Variants in MAEA observed in about 807,000 individuals in gnomAD.
MAEA encodes E3 ubiquitin-protein transferase MAEA.
MAEA carries 22 observed loss-of-function variants against 46.2 expected under a neutral mutation model. That is an observed-to-expected ratio of 0.48 (90% CI 0.34 to 0.68). MAEA has a LOEUF of 0.68. MAEA is among the 30% of genes least tolerant of loss of function. MAEA has a pLI of 0.01. For missense variants in MAEA, 393 were observed against 558.1 expected (o/e 0.70, Z 2.98); for synonymous variants, 246 against 222.6 (o/e 1.11, Z -0.94).
At position 1,338,565 on chromosome 4, in the gene MAEA, A is replaced by G; in HGVS notation, c.1043A>G (p.Asn348Ser). Reference protein sequence around the residue: ...LVCKISGDVMNENNPPMMLPN... With the variant: ...LVCKISGDVMSENNPPMMLPN... ...TGCAAGATTTCTGGCGACGTGATGAACGAGAACAATCCGCCCATGATGCTG... is the reference window on the plus strand; with the variant it reads ...TGCAAGATTTCTGGCGACGTGATGAGCGAGAACAATCCGCCCATGATGCTG... The change falls in exon 8 of 9, where the codon AAC (asparagine) becomes AGC (serine). Residue 348 changes from asparagine to serine, a missense_variant. Asn to Ser is a conservative substitution (Grantham distance 46). Coordinates refer to ENST00000303400, the MANE Select transcript of MAEA (RefSeq NM_001017405.3). The G allele has an allele frequency of 6.2e-7, 1 of 1,613,200 alleles. No individual in the cohort carries two copies. The highest frequency in any genetic ancestry group is 8.5e-7 in the Non-Finnish European group (1 of 1,179,964).
chr4:1,310,946 T>A (rs1286883456), intron 1 of MAEA, among the ~76,000 whole-genome samples: 3 of 152,224 alleles, frequency 2.0e-5, no homozygotes, highest in African/African-American at 7.2e-5. Flanking sequence ...CTGAGCTGCG[T>A]CCAGGTCTCC....
chr4:1,320,771 G>T (rs1280154507), intron 3 of MAEA, among the ~76,000 whole-genome samples: 1 of 152,102 alleles, frequency 6.6e-6, no homozygotes. Flanking sequence ...GCAAGAAAAC[G>T]CTATGAAGGG....
At chr4:1,338,160 A>G in intron 7 of MAEA, 1 of 436,692 alleles carries the variant, frequency 2.3e-6, no homozygotes, top group East Asian at 3.7e-5. Context: ...GCGGCGGGCG[A>G]CGGAGCCACT....
intron 3 of MAEA, 104 bp from the exon 4 acceptor site, chr4:1,322,277 G>C: frequency 2.7e-6 from 4 of 1,493,348 alleles, no homozygotes; most frequent in Non-Finnish European, 3.7e-6. Context: ...CATCTCGAGT[G>C]GTGGCCGGTG....
In MAEA at chr4:1,339,136, CTTCTCACAA is replaced by C; in HGVS notation, c.1159_1167del (p.Phe387_Gln389del). 1 of 1,613,974 alleles carries C rather than the reference CTTCTCACAA, an allele frequency of 6.2e-7. No individual in the cohort carries two copies. Among genetic ancestry groups the C allele is most frequent in the Non-Finnish European group, 8.5e-7 (1 of 1,179,992 alleles). ...GCCCGAGAACCAAAGAAGTCTTCCA[CTTCTCACAA>C]GCCGAGAAGGTGTACATCATGTAGG... On this transcript the variant is annotated inframe_deletion, in exon 9 of 9. Transcript: ENST00000303400.
Position 1,305,726 on chromosome 4 carries a change from C to T in MAEA, c.70-6253C>T, listed in dbSNP as rs570599063. 3.3e-5 allele frequency among the ~76,000 whole-genome samples: 5 copies of T among 152,096 alleles called. No homozygotes were observed. In the East Asian group the frequency reaches 5.8e-4, roughly 18 times the overall value. Reference sequence around the variant, plus strand: ...CCAGTGGCACCCACATGTGTGTGTGCGCACGCGTGTGTGGGAGTGTGCGTG... The same window carrying T: ...CCAGTGGCACCCACATGTGTGTGTGTGCACGCGTGTGTGGGAGTGTGCGTG... On this transcript the variant is annotated intron_variant, in intron 1 of 8. Coordinates refer to ENST00000303400, the MANE Select transcript of MAEA (RefSeq NM_001017405.3).
chr4:1,321,709 G>T (rs548168789), intron 3 of MAEA, among the ~76,000 whole-genome samples: 2 of 152,178 alleles, frequency 1.3e-5, no homozygotes, highest in South Asian at 4.1e-4. Flanking sequence ...CCACCTGAGC[G>T]CTTGCCCCAA....
At chr4:1,293,162 G>GCCCTTGC (rs1475561085) in intron 1 of MAEA, among the ~76,000 whole-genome samples, 1 of 151,768 alleles carries the variant, frequency 6.6e-6, no homozygotes, top group African/African-American at 2.4e-5. Context: ...AACATGCATA[G>GCCCTTGC]TTCACCATCT....
intron 1 of MAEA, among the ~76,000 whole-genome samples, chr4:1,305,984 A>G (rs1233950667): frequency 6.6e-6 from 1 of 152,206 alleles, no homozygotes; most frequent in African/African-American, 2.4e-5. Flanking sequence ...CAAAGGCCAG[A>G]AAAGACCATG....
At chr4:1,323,474 G>A (rs981339661) in intron 4 of MAEA, 2 of 702,542 alleles carry the variant, frequency 2.8e-6, no homozygotes, top group Non-Finnish European at 5.2e-6. Flanking sequence ...TACCAGCCAG[G>A]AGTGACACAC....
At chr4:1,290,769 G>T (rs569269732) in intron 1 of MAEA, among the ~76,000 whole-genome samples, 15 of 152,330 alleles carry the variant, frequency 9.8e-5, no homozygotes, top group South Asian at 8.3e-4. Flanking sequence ...ACGTCCGTCT[G>T]AGGACGGACG....
At chr4:1,330,615 C>G (rs1029583987) in intron 5 of MAEA, 1 of 152,016 alleles carries the variant, frequency 6.6e-6, no homozygotes, top group Non-Finnish European at 1.5e-5. Context: ...GTGCCTGGCC[C>G]GTGTGTTTAT....
Position 1,338,521 on chromosome 4 carries a change from T to C in MAEA, c.999T>C (p.Cys333=), listed in dbSNP as rs775423490. Residue 333 remains cysteine, a synonymous_variant, in exon 8 of 9, where the codon TGT becomes TGC. Transcript: ENST00000303400. ...KLAQPLPMAH[C]ANSRLVCKIS... ...CGCAGCCCCTGCCCATGGCCCACTG[T>C]GCCAACTCCCGCCTGGTCTGCAAGA... 4.3e-6 allele frequency: 7 copies of C among 1,613,224 alleles called. No individual in the cohort carries two copies. In the African/African-American group the frequency reaches 5.3e-5, roughly 12 times the overall value.
chr4:1,318,416 G>T (rs1737593238), intron 3 of MAEA, among the ~76,000 whole-genome samples: 1 of 152,254 alleles, frequency 6.6e-6, no homozygotes, highest in Non-Finnish European at 1.5e-5. Context: ...GTGGATATGG[G>T]AGTGCTGATG....
intron 1 of MAEA, among the ~76,000 whole-genome samples, chr4:1,302,404 G>T (rs1735402542): frequency 6.6e-6 from 1 of 152,230 alleles, no homozygotes; most frequent in Admixed American, 6.5e-5. Context: ...ATGTTTGCCA[G>T]TCATATATCT....
chr4:1,291,591 T>C (rs1330625646), intron 1 of MAEA, among the ~76,000 whole-genome samples: 2 of 152,238 alleles, frequency 1.3e-5, no homozygotes, highest in African/African-American at 4.8e-5. Context: ...GCCTGTCATT[T>C]CAGCTAACAC....
At chr4:1,338,401 C>T (rs1713080634) in intron 7 of MAEA, 21 bp from the exon 8 acceptor site, 1 of 1,597,304 alleles carries the variant, frequency 6.3e-7, no homozygotes, top group Non-Finnish European at 8.6e-7. Flanking sequence ...GCCCCCAACC[C>T]TTCCTTGACC....
intron 6 of MAEA, among the ~76,000 whole-genome samples, chr4:1,334,471 G>A (rs901516074): frequency 6.6e-6 from 1 of 152,226 alleles, no homozygotes. Context: ...GGTGGGGTCT[G>A]AGCTTCCCAG....
chr4:1,318,970 G>T (rs1039742753), intron 3 of MAEA, among the ~76,000 whole-genome samples: 2 of 152,074 alleles, frequency 1.3e-5, no homozygotes, highest in African/African-American at 4.8e-5. Flanking sequence ...GGCCACACAG[G>T]AACAGGACAG....
Sources: allele counts gnomAD v4.1 joint callset (sites outside exome capture counted in the v4.1 genomes callset), GRCh38; gene constraint gnomAD v4.1.1; transcripts MANE v1.5; gene names NCBI Gene and HGNC (gene_info 2026-07-23, HGNC 2026-07-21).